The following CDK14 variants were observed in gnomAD, a reference collection of about 807,000 sequenced individuals.
CDK14 encodes cyclin dependent kinase 14.
Under a neutral mutation model 60.7 loss-of-function variants are expected in CDK14, and 34 were observed. The ratio of observed to expected loss-of-function variants is 0.56; its 90% CI spans 0.43 to 0.75. CDK14 has a LOEUF of 0.75. CDK14 is among the 30% of genes least tolerant of loss of function. The probability of loss-of-function intolerance (pLI) is 0.00; values close to 1 mark genes in which losing one functional copy is unlikely to be tolerated. For missense variants in CDK14, 482 were observed against 564.1 expected (o/e 0.85, Z 1.47); for synonymous variants, 197 against 203.7 (o/e 0.97, Z 0.28).
chr7:90,619,770 C>T (rs1460718169), intron 2 of CDK14, among the ~76,000 whole-genome samples: 2 of 152,102 alleles, frequency 1.3e-5, no homozygotes, highest in South Asian at 2.1e-4. Context: ...ACGAGGTGGG[C>T]GCATTGCTTG....
At chr7:91,206,909 AAGAT>A (rs1258955606) in intron 14 of CDK14, among the ~76,000 whole-genome samples, 1 of 152,202 alleles carries the variant, frequency 6.6e-6, no homozygotes, top group African/African-American at 2.4e-5. Context: ...ATCCAAGAGG[AAGAT>A]AGACCAATTC....
At chr7:90,603,339 A>G (rs1275443259) in intron 1 of CDK14, among the ~76,000 whole-genome samples, 4 of 152,174 alleles carry the variant, frequency 2.6e-5, no homozygotes, top group African/African-American at 9.7e-5. Context: ...GTGGTCCCGC[A>G]AGTTTACAAT....
chr7:91,167,996 G>A (rs1241173551), intron 14 of CDK14, among the ~76,000 whole-genome samples: 1 of 152,150 alleles, frequency 6.6e-6, no homozygotes, highest in African/African-American at 2.4e-5. Flanking sequence ...GGGCATGTTG[G>A]CTTATGCCTG....
chr7:91,140,371 C>G (rs1800419000), intron 14 of CDK14, among the ~76,000 whole-genome samples: 1 of 152,180 alleles, frequency 6.6e-6, no homozygotes, highest in Non-Finnish European at 1.5e-5. Flanking sequence ...GTCCTGGAGC[C>G]AGAACCTTAT....
At chr7:90,935,818 G>A (rs985697261) in intron 8 of CDK14, among the ~76,000 whole-genome samples, 1 of 152,194 alleles carries the variant, frequency 6.6e-6, no homozygotes, top group African/African-American at 2.4e-5. Flanking sequence ...GGAGGCTGAG[G>A]TGGGAAGATG....
At chr7:91,178,675 G>C (rs1584176614) in intron 14 of CDK14, among the ~76,000 whole-genome samples, 2 of 152,130 alleles carry the variant, frequency 1.3e-5, no homozygotes, top group South Asian at 4.1e-4. Flanking sequence ...CTCAAAAGAA[G>C]ACATTTATGC....
chr7:91,045,856 AAAT>A (rs775164384), intron 10 of CDK14, 38 bp from the exon 11 acceptor site: 15 of 1,317,570 alleles, frequency 1.1e-5, no homozygotes, highest in Non-Finnish European at 1.6e-5. Flanking sequence ...AGTGCTTTGG[AAAT>A]AATAAGGCTG....
chr7:90,832,310 T>C (rs1172318621), intron 5 of CDK14, among the ~76,000 whole-genome samples: 1 of 152,176 alleles, frequency 6.6e-6, no homozygotes, highest in South Asian at 2.1e-4. Context: ...AGTAATCTTC[T>C]GTAGGAGTAG....
chr7:91,054,085 A>G (rs867835607), intron 11 of CDK14, among the ~76,000 whole-genome samples: 12 of 106,580 alleles, frequency 1.1e-4, no homozygotes, highest in African/African-American at 5.1e-4. Context: ...TAACTGCAAA[A>G]TAATTTTTTT....
In CDK14 at chr7:90,985,755, T is replaced by C. The variant is rs528296804; in HGVS notation, c.1041+1514T>C. 4.9e-4 allele frequency among the ~76,000 whole-genome samples: 75 copies of C among 152,296 alleles called. 1 individual carries two copies. The highest frequency in any genetic ancestry group is 1.8e-3 in the African/African-American group (73 of 41,580). Reference sequence around the variant, plus strand: ...TAGCCTATATCCCTGTGAGTCGCTGTGTGCTAACAACAAATGGACAATCAG... The same window carrying C: ...TAGCCTATATCCCTGTGAGTCGCTGCGTGCTAACAACAAATGGACAATCAG... On this transcript the variant is annotated intron_variant, in intron 10 of 14. Coordinates refer to ENST00000380050, the MANE Select transcript of CDK14 (RefSeq NM_001287135.2).
chr7:91,113,495 T>A (rs1163958228), intron 13 of CDK14, among the ~76,000 whole-genome samples: 2 of 152,204 alleles, frequency 1.3e-5, no homozygotes, highest in Non-Finnish European at 2.9e-5. Flanking sequence ...CTTGTGAAAT[T>A]TTGTAAAAAC....
At chr7:91,084,766 C>T (rs927104539) in intron 12 of CDK14, among the ~76,000 whole-genome samples, 1 of 152,226 alleles carries the variant, frequency 6.6e-6, no homozygotes, top group Non-Finnish European at 1.5e-5. Flanking sequence ...CAGTATGTGC[C>T]AGGCTTGGGA....
At chr7:90,597,833 G>GTTTTTTTTTTTTTTTTTTTTTTTT in intron 1 of CDK14, among the ~76,000 whole-genome samples, 1 of 138,610 alleles carries the variant, frequency 7.2e-6, no homozygotes. Flanking sequence ...ATTTAGCCAA[G>GTTTTTTTTTTTTTTTTTTTTTTTT]TTTTTTTTTT....
At chr7:90,907,802 A>G (rs1792762231) in intron 7 of CDK14, among the ~76,000 whole-genome samples, 1 of 152,124 alleles carries the variant, frequency 6.6e-6, no homozygotes, top group Non-Finnish European at 1.5e-5. Flanking sequence ...AGACCAGAGA[A>G]CAAGCAGGTG....
At chr7:90,942,645 C>A (rs1793970493) in intron 8 of CDK14, among the ~76,000 whole-genome samples, 1 of 152,268 alleles carries the variant, frequency 6.6e-6, no homozygotes, top group Middle Eastern at 3.4e-3. Context: ...TAGGGGGAAC[C>A]TTCATTGTGC....
intron 2 of CDK14, among the ~76,000 whole-genome samples, chr7:90,708,067 G>A (rs1159286960): frequency 6.6e-6 from 1 of 152,162 alleles, no homozygotes; most frequent in African/African-American, 2.4e-5. Flanking sequence ...GGGGAAAGGG[G>A]ATTGCCTAAG....
intron 8 of CDK14, among the ~76,000 whole-genome samples, chr7:90,923,582 C>T (rs568778429): frequency 6.6e-6 from 1 of 152,248 alleles, no homozygotes; most frequent in Admixed American, 6.5e-5. Flanking sequence ...CTAAGAATGG[C>T]AGCTTCAAAC....
At chr7:90,784,084 T>C (rs1805462382) in intron 4 of CDK14, among the ~76,000 whole-genome samples, 1 of 152,152 alleles carries the variant, frequency 6.6e-6, no homozygotes. Flanking sequence ...CACAATAGAA[T>C]ATTATTCAGC....
At chr7:90,997,223 G>T (rs1229446345) in intron 10 of CDK14, among the ~76,000 whole-genome samples, 1 of 152,154 alleles carries the variant, frequency 6.6e-6, no homozygotes, top group Non-Finnish European at 1.5e-5. Flanking sequence ...TAGAGTTTAG[G>T]ATTTGAGAGT....
Sources: allele counts gnomAD v4.1 joint callset (sites outside exome capture counted in the v4.1 genomes callset), GRCh38; gene constraint gnomAD v4.1.1; transcripts MANE v1.5; gene names NCBI Gene and HGNC (gene_info 2026-07-23, HGNC 2026-07-21).